FRAS1: variants seen among roughly 807,000 people sequenced by gnomAD.
FRAS1 encodes the protein extracellular matrix organizing protein FRAS1.
In FRAS1, 290 loss-of-function variants were observed where a neutral mutation model predicts 435.2. That is an observed-to-expected ratio of 0.67 (90% CI 0.61 to 0.73). The LOEUF is 0.73. Ranked by LOEUF, FRAS1 falls within the 30% of genes least tolerant of loss-of-function variation. The pLI is 0.00. For missense variants in FRAS1, 4,860 were observed against 5,001.5 expected (o/e 0.97, Z 0.85); for synonymous variants, 1,800 against 1,851.0 (o/e 0.97, Z 0.71).
Position 78,540,914 on chromosome 4 carries a change from G to A in FRAS1, c.11829G>A (p.Leu3943=). The A allele has an allele frequency of 6.2e-7, 1 of 1,613,962 alleles. No homozygotes were observed. The highest frequency in any genetic ancestry group is 8.5e-7 in the Non-Finnish European group (1 of 1,179,886). ...QRKKKPAEDI[L]EEYPLNTKVE... ...AGAAGAAGCCCGCAGAGGACATTTT[G>A]GAAGAATATCCTCTGAATACCAAGG... Residue 3943 remains leucine (L), a synonymous_variant, in exon 74 of 74, where the codon TTG becomes TTA. Transcript: ENST00000512123.
chr4:78,112,405 A>G lies in FRAS1; in HGVS notation c.108+46389A>G, dbSNP rs368091141. 8.1e-4 allele frequency among the ~76,000 whole-genome samples: 123 copies of G among 152,130 alleles called. 1 individual carries two copies. In the East Asian group the frequency reaches 0.014, roughly 18 times the overall value. On this transcript the variant is annotated intron_variant, in intron 2 of 73. Transcript: ENST00000512123. Reference sequence around the variant, plus strand: ...GATTCATGAGTCTGTGATTTATTTTATTATTATTTTTTATCTTGGTAGTTT... The same window carrying G: ...GATTCATGAGTCTGTGATTTATTTTGTTATTATTTTTTATCTTGGTAGTTT...
At chr4:78,432,332 T>A in intron 37 of FRAS1, 25 bp from the exon 38 acceptor site, 1 of 1,569,424 alleles carries the variant, frequency 6.4e-7, no homozygotes, top group African/African-American at 1.3e-5. Context: ...AGCAACTCGT[T>A]TGCAATTTGT....
At chr4:78,313,895 C>T (rs1228529961) in intron 15 of FRAS1, among the ~76,000 whole-genome samples, 1 of 152,162 alleles carries the variant, frequency 6.6e-6, no homozygotes, top group African/African-American at 2.4e-5. Flanking sequence ...TCTAATGACT[C>T]CACTGAAATG....
intron 2 of FRAS1, among the ~76,000 whole-genome samples, chr4:78,214,450 C>T (rs1723660070): frequency 6.6e-6 from 1 of 152,220 alleles, no homozygotes; most frequent in South Asian, 2.1e-4. Flanking sequence ...CTTCATCTGG[C>T]TTCAAGAACT....
intron 18 of FRAS1, among the ~76,000 whole-genome samples, chr4:78,332,622 T>G (rs1434931886): frequency 1.3e-5 from 2 of 152,228 alleles, no homozygotes; most frequent in East Asian, 3.8e-4. Flanking sequence ...TTTGGATTTT[T>G]GTTTTATAGA....
intron 71 of FRAS1, among the ~76,000 whole-genome samples, chr4:78,535,738 G>A (rs1036005463): frequency 6.6e-6 from 1 of 152,102 alleles, no homozygotes; most frequent in African/African-American, 2.4e-5. Flanking sequence ...AAGTCTCTTT[G>A]TCCTTGACCC....
intron 2 of FRAS1, among the ~76,000 whole-genome samples, chr4:78,160,462 C>T (rs1341996962): frequency 6.6e-6 from 1 of 152,152 alleles, no homozygotes; most frequent in African/African-American, 2.4e-5. Context: ...AGCCTGTATT[C>T]CCATCAACTG....
intron 14 of FRAS1, among the ~76,000 whole-genome samples, chr4:78,298,028 CTCTATATATATA>C (rs1728223686): frequency 2.0e-5 from 2 of 101,992 alleles, no homozygotes; most frequent in African/African-American, 7.7e-5. Flanking sequence ...CTCTCTCTCT[CTCTATATATATA>C]TATATATATA....
intron 2 of FRAS1, among the ~76,000 whole-genome samples, chr4:78,069,046 G>A (rs1211511950): frequency 2.6e-5 from 4 of 152,162 alleles, no homozygotes; most frequent in Non-Finnish European, 4.4e-5. Context: ...AACTTTTTGG[G>A]TGACAAAGGC....
intron 2 of FRAS1, among the ~76,000 whole-genome samples, chr4:78,089,084 G>A (rs1318942935): frequency 6.6e-6 from 1 of 152,004 alleles, no homozygotes; most frequent in African/African-American, 2.4e-5. Context: ...ATACACCATG[G>A]AATACTATGC....
chr4:78,440,106 C>G (rs926417466), intron 40 of FRAS1, among the ~76,000 whole-genome samples: 1 of 148,840 alleles, frequency 6.7e-6, no homozygotes, highest in Non-Finnish European at 1.5e-5. Context: ...TCTCGGCTCA[C>G]TGCAAGCTCC....
chr4:78,284,252 T>TTTTTTTTTTTTG (rs760554613), intron 12 of FRAS1, among the ~76,000 whole-genome samples, 153 bp from the exon 13 acceptor site: 1 of 146,530 alleles, frequency 6.8e-6, no homozygotes, highest in Non-Finnish European at 1.5e-5. Flanking sequence ...TTTTTTTTTT[T>TTTTTTTTTTTTG]GCTATTTAGG....
chr4:78,386,888 G>A (rs1732237294), intron 28 of FRAS1, among the ~76,000 whole-genome samples: 1 of 152,090 alleles, frequency 6.6e-6, no homozygotes, highest in African/African-American at 2.4e-5. Context: ...TTGGGGTGGG[G>A]CTCTGTCAAG....
At chr4:78,363,777 C>A in intron 21 of FRAS1, 112 bp downstream of exon 21, 1 of 1,429,206 alleles carries the variant, frequency 7.0e-7, no homozygotes, top group Non-Finnish European at 9.5e-7. Flanking sequence ...AAGTGTAAAC[C>A]ACTTCCATGG....
intron 2 of FRAS1, among the ~76,000 whole-genome samples, chr4:78,236,311 T>TA (rs3974338): frequency 1.8e-4 from 27 of 150,836 alleles, no homozygotes; most frequent in East Asian, 5.9e-4. Context: ...TTTATTTATT[T>TA]TTTGGCTTTG....
chr4:78,311,680 C>A (rs1351030281), intron 15 of FRAS1, among the ~76,000 whole-genome samples: 2 of 152,212 alleles, frequency 1.3e-5, no homozygotes, highest in African/African-American at 4.8e-5. Context: ...AATCTATATT[C>A]CCAAGCATAA....
chr4:78,188,317 CTAATCT>C lies in FRAS1; in HGVS notation c.109-49192_109-49187del, dbSNP rs1479228107. Among the ~76,000 whole-genome samples the C allele has an allele frequency of 9.3e-4, 4 of 4,312 alleles. No homozygotes were observed. In the Non-Finnish European group the frequency reaches 0.012, roughly 13 times the overall value. The allele number at this position is 4,312 out of a possible 152,430, so 2.8% of individuals were successfully genotyped here. ...TCTATCTATCTATCTATCTATCTAT[CTAATCT>C]ATCTATCTATATTTAGGTTGGTGCA... On this transcript the variant is annotated intron_variant, in intron 2 of 73. Transcript: ENST00000512123.
chr4:78,489,833 G>A (rs1347991373), intron 59 of FRAS1, among the ~76,000 whole-genome samples: 1 of 151,918 alleles, frequency 6.6e-6, no homozygotes, highest in Non-Finnish European at 1.5e-5. Context: ...CCTGTCCCAG[G>A]GAAACATATA....
chr4:78,210,531 C>T (rs970147304), intron 2 of FRAS1, among the ~76,000 whole-genome samples: 3 of 152,126 alleles, frequency 2.0e-5, no homozygotes, highest in Admixed American at 6.5e-5. Flanking sequence ...GTTATATTTT[C>T]GGGCTTTCTT....
Sources: allele counts gnomAD v4.1 joint callset (sites outside exome capture counted in the v4.1 genomes callset), GRCh38; gene constraint gnomAD v4.1.1; transcripts MANE v1.5; gene names NCBI Gene and HGNC (gene_info 2026-07-23, HGNC 2026-07-21).